The following NPC1L1 variants were observed in gnomAD, a reference collection of about 807,000 sequenced individuals.
The protein encoded by NPC1L1 is NPC1 like intracellular cholesterol transporter 1.
Under a neutral mutation model 117.0 loss-of-function variants are expected in NPC1L1, and 98 were observed. The observed-to-expected ratio is 0.84, with a 90% CI of 0.71 to 0.99. NPC1L1 has a LOEUF of 0.99. Among genes scored for constraint, NPC1L1 ranks in the 50% least tolerant of loss-of-function variants. The pLI is 0.00. For synonymous variants in NPC1L1, 729 were observed against 727.6 expected (o/e 1.00, Z -0.03); for missense variants, 1,540 against 1,710.0 (o/e 0.90, Z 1.75).
intron 10 of NPC1L1, among the ~76,000 whole-genome samples, chr7:44,531,086 T>C (rs1801684893): frequency 6.6e-6 from 1 of 152,244 alleles, no homozygotes; most frequent in South Asian, 2.1e-4. Flanking sequence ...TCAGACTTTG[T>C]TGTCTGTGGC....
Position 44,535,863 on chromosome 7 carries a change from AG to A in NPC1L1, c.1959del (p.Tyr654IlefsTer7), listed in dbSNP as rs1345412195. 6.2e-7 allele frequency: 1 copy of A among 1,613,338 alleles called. No individual in the cohort carries two copies. Among genetic ancestry groups the A allele is most frequent in the Admixed American group, 1.7e-5 (1 of 60,016 alleles). ...ACCATCACTCGGCTCCAGCTGGAAT[AG>A]CTGCCCAGGGCCAGAGAGATGTACA... ...IFLYISLALG[S>X]YSSWSRVMVD... On this transcript the variant is annotated frameshift_variant, in exon 5 of 19. Transcript: ENST00000381160. LOFTEE classifies it high-confidence loss of function.
chr7:44,534,509 C>T lies in NPC1L1; in HGVS notation c.2104G>A (p.Val702Ile). 1 of 1,614,168 alleles carries T rather than the reference C, an allele frequency of 6.2e-7. No individual in the cohort carries two copies. Among genetic ancestry groups the T allele is most frequent in the Non-Finnish European group, 8.5e-7 (1 of 1,180,030 alleles). ...CCCACGGACAGCACCAGGAAAGGAA[C>T]CACTTGCAGGATGACCAGGGAGGAG... Reference protein sequence around the residue: ...IRSSLVILQVVPFLVLSVGAD... With the variant: ...IRSSLVILQVIPFLVLSVGAD... The change falls in exon 6 of 19, where the codon GTT becomes ATT. Residue 702 changes from valine to isoleucine, a missense_variant. Val to Ile is a conservative substitution (Grantham distance 29, BLOSUM62 3). Transcript: ENST00000381160. This position sits in a 1 kb window ranked among gnomAD's most constrained non-coding sequence, Gnocchi z 5.2.
chr7:44,532,006 C>T, intron 9 of NPC1L1, 74 bp downstream of exon 9: 2 of 1,610,052 alleles, frequency 1.2e-6, no homozygotes, highest in African/African-American at 2.7e-5. Context: ...ACCTCCCCAC[C>T]TCCAACCCTG....
chr7:44,528,699 T>C (rs1205846748), intron 10 of NPC1L1, among the ~76,000 whole-genome samples: 3 of 151,964 alleles, frequency 2.0e-5, no homozygotes, highest in Non-Finnish European at 4.4e-5. Context: ...AGAAAACAAA[T>C]AGCAAAATGA....
intron 5 of NPC1L1, 119 bp downstream of exon 5, chr7:44,535,721 C>G (rs915067262): frequency 7.0e-6 from 10 of 1,421,942 alleles, no homozygotes; most frequent in Non-Finnish European, 9.8e-6. Context: ...GGGGCAGCCA[C>G]TTGGGTGTGT....
intron 10 of NPC1L1, among the ~76,000 whole-genome samples, chr7:44,528,912 T>C (rs893625682): frequency 2.0e-5 from 3 of 150,654 alleles, no homozygotes; most frequent in African/African-American, 7.3e-5. Flanking sequence ...CTACAAAAAA[T>C]ACAAAAAAAT....
In NPC1L1 at chr7:44,534,532, G is replaced by T; in HGVS notation, c.2081C>A (p.Ser694Tyr). Residue 694 changes from serine (S) to tyrosine (Y), a missense_variant, in exon 6 of 19, where the codon TCC (serine) becomes TAC (tyrosine). By Grantham distance (144) the Ser-to-Tyr change is moderately radical. Transcript: ENST00000381160. This position sits in a 1 kb window ranked among gnomAD's most constrained non-coding sequence, Gnocchi z 5.2. ...AACCACTTGCAGGATGACCAGGGAG[G>T]AGCGGATACCCAAGTAGGAGAAGAA... Reference protein sequence around the residue: ...MGFFSYLGIRSSLVILQVVPF... With the variant: ...MGFFSYLGIRYSLVILQVVPF... 6.2e-7 allele frequency: 1 copy of T among 1,614,160 alleles called. No individual in the cohort carries two copies. The highest frequency in any genetic ancestry group is 8.5e-7 in the Non-Finnish European group (1 of 1,180,022).
At chr7:44,523,318 A>G (rs1585134173) in intron 10 of NPC1L1, among the ~76,000 whole-genome samples, 5 of 152,156 alleles carry the variant, frequency 3.3e-5, no homozygotes, top group African/African-American at 1.2e-4. Flanking sequence ...GGCCTCCCAA[A>G]TGGCTGGGAT....
intron 10 of NPC1L1, among the ~76,000 whole-genome samples, chr7:44,530,270 G>A (rs140288138): frequency 0.027 from 4,083 of 151,750 alleles, 180 homozygotes; most frequent in African/African-American, 0.09. Flanking sequence ...CCCGGGAGGC[G>A]GAGATTGCGG....
chr7:44,515,985 G>A lies in NPC1L1; in HGVS notation c.3634-20C>T. 2 of 1,613,086 alleles carry A rather than the reference G, an allele frequency of 1.2e-6. No homozygotes were observed. The highest frequency in any genetic ancestry group is 1.7e-6 in the Non-Finnish European group (2 of 1,179,528). On this transcript the variant is annotated intron_variant, in intron 17 of 18. Transcript: ENST00000381160. ...AAACACCTGGGGGGTTCAGAGCCAGGTGTCAGGCAGGGCACAGGGCATCAG... is the reference window on the plus strand; with the variant it reads ...AAACACCTGGGGGGTTCAGAGCCAGATGTCAGGCAGGGCACAGGGCATCAG...
In NPC1L1 at chr7:44,533,553, G is replaced by A. The variant is rs1801767222; in HGVS notation, c.2287C>T (p.Leu763=). The A allele has an allele frequency of 6.2e-7, 1 of 1,614,058 alleles. No homozygotes were observed. The highest frequency in any genetic ancestry group is 1.7e-5 in the Admixed American group (1 of 60,012). The part of the protein sequence containing the change: ...SEAICFFLGA[L]TPMPAVRTFA... Reference sequence around the variant, plus strand: ...GTCCGCACAGCTGGCATGGGGGTCAGGGCCCCTGTGAGGGAGCAGAGGGCT... The same window carrying A: ...GTCCGCACAGCTGGCATGGGGGTCAAGGCCCCTGTGAGGGAGCAGAGGGCT... Residue 763 remains leucine (L), a synonymous_variant, in exon 8 of 19, where the codon CTG becomes TTG. Transcript: ENST00000381160.
At position 44,516,737 on chromosome 7, in the gene NPC1L1, C is replaced by T; in HGVS notation, c.3485G>A (p.Ser1162Asn). 3 of 1,612,824 alleles carry T rather than the reference C, an allele frequency of 1.9e-6. No individual in the cohort carries two copies. The highest frequency in any genetic ancestry group is 2.2e-5 in the South Asian group (2 of 90,760). Residue 1162 changes from serine to asparagine, a missense_variant, in exon 16 of 19, where the codon AGT (serine) becomes AAT (asparagine). Coordinates refer to ENST00000381160, the MANE Select transcript of NPC1L1 (RefSeq NM_001101648.2). ...GTTGATGAGGGACACAGCATTGTAA[C>T]TGATGCCCCACAGGGCCATGAAGCC... ...TVGFMALWGISYNAVSLINLV... is the reference protein window; with the variant it reads ...TVGFMALWGINYNAVSLINLV...
In NPC1L1 at chr7:44,535,834, T is replaced by C. The variant is rs1476231109; in HGVS notation, c.1983+6A>G. ...CCCACTTAGCTGTGTCCCTCCCGCT[T>C]CTCACCATCACTCGGCTCCAGCTGG... is the stretch of plus-strand genomic sequence containing the variant. On this transcript the variant is annotated splice_donor_region_variant and intron_variant, in intron 5 of 18. Transcript: ENST00000381160. 6.2e-7 allele frequency: 1 copy of C among 1,612,618 alleles called. No individual in the cohort carries two copies. Among genetic ancestry groups the C allele is most frequent in the East Asian group, 2.2e-5 (1 of 44,858 alleles).
At position 44,521,137 on chromosome 7, in the gene NPC1L1, T is replaced by C. The variant is rs1009528695; in HGVS notation, c.2954-19A>G. On this transcript the variant is annotated intron_variant, in intron 12 of 18. Coordinates refer to ENST00000381160, the MANE Select transcript of NPC1L1 (RefSeq NM_001101648.2). ...AGAGAGTCTGCAGAGAAAGCAGGGG[T>C]CTGGGCAGTGACACCCCAGGGCCAG... 1 of 1,613,714 alleles carries C rather than the reference T, an allele frequency of 6.2e-7. No homozygotes were observed. The highest frequency in any genetic ancestry group is 1.3e-5 in the African/African-American group (1 of 74,848).
chr7:44,539,778 C>T lies in NPC1L1; in HGVS notation c.619G>A (p.Gly207Arg), dbSNP rs1440521681. The change falls in exon 2 of 19, where the codon GGA becomes AGA. Residue 207 changes from glycine to arginine, a missense_variant. Coordinates refer to ENST00000381160, the MANE Select transcript of NPC1L1 (RefSeq NM_001101648.2). This position sits in a 1 kb window ranked among gnomAD's most constrained non-coding sequence, Gnocchi z 4.4. Reference protein sequence around the residue: ...CNAQRWLNFQGDTGNGLAPLD... With the variant: ...CNAQRWLNFQRDTGNGLAPLD... ...GGGGCCAGACCATTGCCTGTGTCTC[C>T]CTGGAAGTTGAGCCAGCGCTGGGCA... 1.9e-6 allele frequency: 3 copies of T among 1,614,040 alleles called. No individual in the cohort carries two copies. The highest frequency in any genetic ancestry group is 1.7e-5 in the Admixed American group (1 of 60,008).
chr7:44,517,086 GAGCCT>G, intron 15 of NPC1L1, 116 bp downstream of exon 15: 1 of 1,476,934 alleles, frequency 6.8e-7, no homozygotes, highest in Non-Finnish European at 9.4e-7. Flanking sequence ...GCTGCAGCCA[GAGCCT>G]CCTGACCTAA....
intron 14 of NPC1L1, among the ~76,000 whole-genome samples, chr7:44,519,058 T>C (rs1343877974): frequency 2.0e-5 from 3 of 151,912 alleles, no homozygotes; most frequent in African/African-American, 7.3e-5. Flanking sequence ...CCTTTTCTTC[T>C]CTCTTCTTTT....
chr7:44,532,092 A>G lies in NPC1L1; in HGVS notation c.2535T>C (p.Thr845=). ...AYAPFLLHWI[T]RGVVLLLFLA... ...GAGGCCCACTCACCACAACACCTCG[A>G]GTGATCCAGTGCAGCAGGAAGGGGG... Residue 845 remains threonine (T), a synonymous_variant, in exon 9 of 19, where the codon ACT becomes ACC. Coordinates refer to ENST00000381160, the MANE Select transcript of NPC1L1 (RefSeq NM_001101648.2). 1 of 1,614,126 alleles carries G rather than the reference A, an allele frequency of 6.2e-7. No individual in the cohort carries two copies. Among genetic ancestry groups the G allele is most frequent in the African/African-American group, 1.3e-5 (1 of 75,046 alleles).
intron 10 of NPC1L1, among the ~76,000 whole-genome samples, chr7:44,524,094 A>G (rs1317490519): frequency 1.3e-5 from 2 of 152,184 alleles, no homozygotes; most frequent in Admixed American, 6.5e-5. Flanking sequence ...TTTGGGAACC[A>G]TACATATAAG....
Sources: allele counts gnomAD v4.1 joint callset (sites outside exome capture counted in the v4.1 genomes callset), GRCh38; gene constraint gnomAD v4.1.1; non-coding constraint Gnocchi (gnomAD v3.1); transcripts MANE v1.5; gene names NCBI Gene and HGNC (gene_info 2026-07-23, HGNC 2026-07-21).